Variants in GFOD1 observed in about 807,000 individuals in gnomAD.
GFOD1 encodes glucose-fructose oxidoreductase domain-containing protein 1.
In GFOD1, 9 loss-of-function variants were observed where a neutral mutation model predicts 25.4. The ratio of observed to expected loss-of-function variants is 0.35; its 90% CI spans 0.21 to 0.62. The LOEUF (loss-of-function observed/expected upper bound fraction) is 0.62, where lower values mean the gene tolerates loss of function less well. Among genes scored for constraint, GFOD1 ranks in the 20% least tolerant of loss-of-function variants. GFOD1 has a pLI of 0.72. For missense variants in GFOD1, 403 were observed against 556.9 expected, an observed-to-expected ratio of 0.72 and a Z score of 2.78; for synonymous variants, 253 against 245.6, an observed-to-expected ratio of 1.03 and a Z score of -0.28.
chr6:13,482,160 T>C (rs554063016), intron 1 of GFOD1, among the ~76,000 whole-genome samples: 23 of 148,758 alleles, frequency 1.5e-4, no homozygotes, highest in African/African-American at 3.7e-4. Flanking sequence ...TGTTAATATA[T>C]GTATATATAC....
rs201663825 is a variant in GFOD1 at position 13,409,169 on chromosome 6, A to AAGAG, written c.254-43511_254-43508dup. Among the ~76,000 whole-genome samples the AAGAG allele has an allele frequency of 1.7e-4, 9 of 53,264 alleles. 4 individuals carry two copies. The highest frequency in any genetic ancestry group is 3.4e-4 in the Non-Finnish European group (7 of 20,692). The allele number at this position is 53,264 out of a possible 152,430, so 34.9% of individuals were successfully genotyped here. A position where few individuals can be genotyped will look rare whatever the true frequency, so the allele number is the denominator to read the frequency against. ...AGAAAGAGAGGAAAGAAAGAAAGGAAAGAGAGAGAGAGAGAGAAAGAAAGA... is the reference window on the plus strand; with the variant it reads ...AGAAAGAGAGGAAAGAAAGAAAGGAAAGAGAGAGAGAGAGAGAGAGAAAGAAAGA... On this transcript the variant is annotated intron_variant, in intron 1 of 1. Coordinates refer to ENST00000379287, the MANE Select transcript of GFOD1 (RefSeq NM_018988.4).
chr6:13,457,541 G>A (rs1479750564), intron 1 of GFOD1, among the ~76,000 whole-genome samples: 1 of 152,186 alleles, frequency 6.6e-6, no homozygotes, highest in African/African-American at 2.4e-5. Context: ...CAGGGATGAT[G>A]GAGCTGCGAC....
At chr6:13,431,125 AATG>A (rs1361894122) in intron 1 of GFOD1, among the ~76,000 whole-genome samples, 3 of 152,178 alleles carry the variant, frequency 2.0e-5, no homozygotes, top group African/African-American at 7.2e-5. Flanking sequence ...TGCAAAGAAG[AATG>A]AGTTGGAGAA....
chr6:13,439,955 C>G (rs949520305), intron 1 of GFOD1, among the ~76,000 whole-genome samples: 1 of 152,162 alleles, frequency 6.6e-6, no homozygotes, highest in African/African-American at 2.4e-5. Context: ...AACCACTGCA[C>G]AAAAGCAAGT....
intron 1 of GFOD1, among the ~76,000 whole-genome samples, chr6:13,438,505 A>G (rs1256689611): frequency 1.3e-5 from 2 of 152,188 alleles, no homozygotes; most frequent in East Asian, 3.8e-4. Flanking sequence ...TACCTTCTCA[A>G]AAATGCATGA....
At chr6:13,425,813 A>G (rs1786340891) in intron 1 of GFOD1, among the ~76,000 whole-genome samples, 1 of 152,066 alleles carries the variant, frequency 6.6e-6, no homozygotes, top group Non-Finnish European at 1.5e-5. Context: ...CCACATTGGA[A>G]GAAGAAAAAA....
intron 1 of GFOD1, among the ~76,000 whole-genome samples, chr6:13,396,427 A>G (rs1030402549): frequency 2.0e-5 from 3 of 152,218 alleles, no homozygotes; most frequent in Non-Finnish European, 4.4e-5. Flanking sequence ...AGCTGTGCCC[A>G]TAGCATCATC....
At chr6:13,370,832 A>G (rs1785138645) in intron 1 of GFOD1, among the ~76,000 whole-genome samples, 1 of 152,166 alleles carries the variant, frequency 6.6e-6, no homozygotes, top group Non-Finnish European at 1.5e-5. Context: ...TGTGTGGTTG[A>G]CATACCCCAC....
At chr6:13,482,892 A>T (rs1260624943) in intron 1 of GFOD1, among the ~76,000 whole-genome samples, 1 of 151,470 alleles carries the variant, frequency 6.6e-6, no homozygotes. Flanking sequence ...AAATATATGC[A>T]TATATTTTAT....
chr6:13,470,473 C>T, intron 1 of GFOD1: 1 of 1,550,170 alleles, frequency 6.5e-7, no homozygotes, highest in Non-Finnish European at 8.7e-7. Flanking sequence ...TGAAACCTGT[C>T]CCCTGGGACT....
At chr6:13,417,887 C>T (rs1457850903) in intron 1 of GFOD1, among the ~76,000 whole-genome samples, 1 of 152,228 alleles carries the variant, frequency 6.6e-6, no homozygotes, top group Non-Finnish European at 1.5e-5. Flanking sequence ...ACCCACCCCT[C>T]ACCATGGAGA....
chr6:13,468,383 C>G (rs1043769402), intron 1 of GFOD1, among the ~76,000 whole-genome samples: 2 of 152,148 alleles, frequency 1.3e-5, no homozygotes, highest in Non-Finnish European at 2.9e-5. Context: ...TAACTGTTCT[C>G]CTACTGTGGA....
intron 1 of GFOD1, among the ~76,000 whole-genome samples, chr6:13,437,975 G>T (rs1757859799): frequency 6.6e-6 from 1 of 152,160 alleles, no homozygotes; most frequent in Non-Finnish European, 1.5e-5. Context: ...AATATGGAAA[G>T]AAAGACAAAG....
chr6:13,382,995 G>A lies in GFOD1; in HGVS notation c.254-17333C>T, dbSNP rs144645183. The stretch of plus-strand genomic sequence containing the variant: ...CCATCCATGTCCCTGCAAAGGACAT[G>A]ATCTCATTCCTTTTTATGGCTACAT... On this transcript the variant is annotated intron_variant, in intron 1 of 1. Coordinates refer to ENST00000379287, the MANE Select transcript of GFOD1 (RefSeq NM_018988.4). Among the ~76,000 whole-genome samples, 462 of 152,226 alleles carry A rather than the reference G, an allele frequency of 3.0e-3. 1 individual carries two copies. The highest frequency in any genetic ancestry group is 5.0e-3 in the Non-Finnish European group (341 of 68,010).
At chr6:13,445,007 C>G (rs942424540) in intron 1 of GFOD1, among the ~76,000 whole-genome samples, 10 of 152,198 alleles carry the variant, frequency 6.6e-5, no homozygotes, top group Non-Finnish European at 8.8e-5. Context: ...AATGAATCCC[C>G]TTCTAAAGGA....
chr6:13,417,027 T>A (rs1482342569), intron 1 of GFOD1, among the ~76,000 whole-genome samples: 5 of 152,216 alleles, frequency 3.3e-5, no homozygotes, highest in Non-Finnish European at 5.9e-5. Context: ...CTATCAGAAC[T>A]ATCATTTAAC....
At chr6:13,379,001 AG>A (rs1261076614) in intron 1 of GFOD1, among the ~76,000 whole-genome samples, 1 of 152,164 alleles carries the variant, frequency 6.6e-6, no homozygotes, top group Admixed American at 6.5e-5. Flanking sequence ...TGCAGCCAGG[AG>A]GCAAACCAGC....
chr6:13,452,964 T>C (rs1217947680), intron 1 of GFOD1, among the ~76,000 whole-genome samples: 1 of 152,208 alleles, frequency 6.6e-6, no homozygotes, highest in Non-Finnish European at 1.5e-5. Context: ...GGGAATCTGG[T>C]GACGCATTTA....
At chr6:13,421,842 G>T (rs1786262173) in intron 1 of GFOD1, among the ~76,000 whole-genome samples, 1 of 152,218 alleles carries the variant, frequency 6.6e-6, no homozygotes, top group South Asian at 2.1e-4. Flanking sequence ...GGGAGCAGAG[G>T]ATTTGCCGGG....
Sources: allele counts gnomAD v4.1 joint callset (sites outside exome capture counted in the v4.1 genomes callset), GRCh38; gene constraint gnomAD v4.1.1; transcripts MANE v1.5; gene names NCBI Gene and HGNC (gene_info 2026-07-23, HGNC 2026-07-21).